Variants in SRPX observed in about 807,000 individuals in gnomAD.
The protein encoded by SRPX is sushi repeat containing protein X-linked.
In SRPX, 24 loss-of-function variants were observed where a neutral mutation model predicts 38.1. The observed-to-expected ratio is 0.63, with a 90% CI of 0.46 to 0.89. The LOEUF (loss-of-function observed/expected upper bound fraction) is 0.89. Among genes scored for constraint, SRPX ranks in the 40% least tolerant of loss-of-function variants. SRPX has a pLI of 0.00. For synonymous variants in SRPX, 184 were observed against 153.8 expected, an observed-to-expected ratio of 1.20 and a Z score of -1.45; for missense variants, 416 against 377.8, an observed-to-expected ratio of 1.10 and a Z score of -0.84.
intron 1 of SRPX, among the ~76,000 whole-genome samples, chrX:38,210,703 G>C (rs1939303870): frequency 8.9e-6 from 1 of 112,363 alleles, no homozygotes; most frequent in Non-Finnish European, 1.9e-5. Flanking sequence ...AAGATATCAG[G>C]AGGCTACCAA....
chrX:38,194,863 G>T (rs1247086541), intron 1 of SRPX, among the ~76,000 whole-genome samples: 55 of 53,645 alleles, frequency 1.0e-3, no homozygotes, highest in African/African-American at 4.0e-3. Context: ...TTTGTTTTTG[G>T]TTTTTTTTTT....
rs775255340 is a variant in SRPX, at chrX:38,161,469, T to C, written c.654-415A>G. On this transcript the variant is annotated intron_variant, in intron 5 of 9. Coordinates refer to ENST00000378533, the MANE Select transcript of SRPX (RefSeq NM_006307.5). Reference sequence around the variant, plus strand: ...TCATTAGAGAATATAGTCCAAGCAGTCACTGGCAATTTGGGCCTGCGGGGC... The same window carrying C: ...TCATTAGAGAATATAGTCCAAGCAGCCACTGGCAATTTGGGCCTGCGGGGC... Among the ~76,000 whole-genome samples, 6 of 101,146 alleles carry C rather than the reference T, an allele frequency of 5.9e-5. No individual in the cohort carries two copies. The South Asian group carries it at 2.1e-3, about 35-fold the overall frequency. 87.8% of individuals were successfully genotyped at this position (101,146 alleles called of 115,157 possible). A position where few individuals can be genotyped will look rare whatever the true frequency, so the allele number is the denominator to read the frequency against.
In SRPX at chrX:38,179,041, G is replaced by A. The variant is rs1375530264; in HGVS notation, c.98-697C>T. Among the ~76,000 whole-genome samples, 3 of 108,199 alleles carry A rather than the reference G, an allele frequency of 2.8e-5. No homozygotes were observed. The East Asian group carries it at 8.7e-4, about 31-fold the overall frequency. The allele number at this position is 108,199 out of a possible 115,157, so 94.0% of individuals were successfully genotyped here. ...GGCTCACCGCAACCTCCGCCTCTTG[G>A]GTTCAAGGGATTCTCCTGCCTCGGC... On this transcript the variant is annotated intron_variant, in intron 1 of 9. Coordinates refer to ENST00000378533, the MANE Select transcript of SRPX (RefSeq NM_006307.5).
intron 7 of SRPX, among the ~76,000 whole-genome samples, 174 bp from the exon 8 acceptor site, chrX:38,157,203 A>G (rs972380339): frequency 2.7e-5 from 3 of 111,850 alleles, no homozygotes; most frequent in African/African-American, 6.5e-5. Context: ...GGAGTACGGA[A>G]GTATATTCAC....
chrX:38,207,821 A>G (rs1285717727), intron 1 of SRPX, among the ~76,000 whole-genome samples: 2 of 112,458 alleles, frequency 1.8e-5, no homozygotes, highest in African/African-American at 6.5e-5. Flanking sequence ...AAACAAATCA[A>G]GAACCCATCC....
chrX:38,179,699 C>T (rs1938631891), intron 1 of SRPX, among the ~76,000 whole-genome samples: 1 of 111,744 alleles, frequency 8.9e-6, no homozygotes, highest in Admixed American at 9.5e-5. Flanking sequence ...GGAAAAGACC[C>T]GCAACTACAG....
chrX:38,197,572 G>C (rs2147116165), intron 1 of SRPX, among the ~76,000 whole-genome samples: 1 of 111,365 alleles, frequency 9.0e-6, no homozygotes, highest in South Asian at 3.8e-4. Flanking sequence ...TTATCACTTG[G>C]GGCCACACTT....
intron 1 of SRPX, among the ~76,000 whole-genome samples, chrX:38,219,520 A>G (rs1441734752): frequency 1.8e-5 from 2 of 111,753 alleles, no homozygotes; most frequent in Non-Finnish European, 3.8e-5. Context: ...AGTTCCTACA[A>G]AGCAGCTTAA....
chrX:38,210,647 C>T (rs1156837864), intron 1 of SRPX, among the ~76,000 whole-genome samples: 1 of 112,381 alleles, frequency 8.9e-6, no homozygotes, highest in East Asian at 2.8e-4. Context: ...GGATCCTAGC[C>T]AAGAATTGGC....
At chrX:38,179,163 C>T (rs766679514) in intron 1 of SRPX, among the ~76,000 whole-genome samples, 41 of 110,556 alleles carry the variant, frequency 3.7e-4, no homozygotes, top group South Asian at 3.5e-3. Context: ...TCAGGCTGGT[C>T]GCGAACTCCC....
chrX:38,181,601 G>A (rs1250379101), intron 1 of SRPX, among the ~76,000 whole-genome samples: 1 of 111,526 alleles, frequency 9.0e-6, no homozygotes, highest in Non-Finnish European at 1.9e-5. Flanking sequence ...GTGATAGGAG[G>A]AGTTTCTGGC....
intron 1 of SRPX, among the ~76,000 whole-genome samples, chrX:38,208,324 A>T (rs911008654): frequency 5.4e-5 from 6 of 111,630 alleles, no homozygotes; most frequent in Admixed American, 1.9e-4. Flanking sequence ...GGCCCCTCCC[A>T]GTGGCTACCC....
intron 1 of SRPX, among the ~76,000 whole-genome samples, chrX:38,220,173 G>C (rs1939490002): frequency 8.8e-6 from 1 of 113,483 alleles, no homozygotes; most frequent in Non-Finnish European, 1.9e-5. Flanking sequence ...CAGCAGGGGG[G>C]GTTAAGAGAT....
At chrX:38,194,869 T>C (rs1292820540) in intron 1 of SRPX, among the ~76,000 whole-genome samples, 1 of 84,915 alleles carries the variant, frequency 1.2e-5, no homozygotes, top group Non-Finnish European at 2.3e-5. Flanking sequence ...TTTGGTTTTT[T>C]TTTTTTTTTT....
intron 1 of SRPX, among the ~76,000 whole-genome samples, chrX:38,186,013 C>T (rs1343671492): frequency 1.8e-5 from 2 of 110,970 alleles, no homozygotes; most frequent in South Asian, 3.9e-4. Flanking sequence ...TGTCCCCTGG[C>T]ATTCATAACC....
intron 1 of SRPX, among the ~76,000 whole-genome samples, chrX:38,211,164 C>T (rs925206432): frequency 1.8e-5 from 2 of 112,170 alleles, no homozygotes; most frequent in African/African-American, 6.5e-5. Flanking sequence ...TCATTTGTCA[C>T]AAAACATTAT....
rs918131445 is a variant in SRPX, at chrX:38,164,875, T to G, written c.547A>C (p.Lys183Gln). 8.3e-7 allele frequency: 1 copy of G among 1,208,544 alleles called. No individual in the cohort carries two copies. The highest frequency in any genetic ancestry group is 1.8e-5 in the African/African-American group (1 of 57,015). ...SCVDMEPPRIKCPSVKERIAE... is the reference protein window; with the variant it reads ...SCVDMEPPRIQCPSVKERIAE... ...ATGCGTTCCTTCACACTTGGGCACT[T>G]GATTCTAGGAGGTTCCATATCTGAA... is the stretch of plus-strand genomic sequence containing the variant. Residue 183 changes from lysine to glutamine, a missense_variant, in exon 5 of 10, where the codon AAG becomes CAG. By Grantham distance (53) the Lys-to-Gln change is moderately conservative. Transcript: ENST00000378533.
rs188845300 is a variant in SRPX at position 38,191,105 on chromosome X, T to A, written c.98-12761A>T. Among the ~76,000 whole-genome samples the A allele has an allele frequency of 3.8e-3, 423 of 111,980 alleles. 4 individuals carry two copies. The highest frequency in any genetic ancestry group is 0.013 in the African/African-American group (414 of 30,846). ...GATCCCACAATATTTGAGCCCTTGG[T>A]TCCAGTATTGCTTGGCCCCACAAGC... On this transcript the variant is annotated intron_variant, in intron 1 of 9. Coordinates refer to ENST00000378533, the MANE Select transcript of SRPX (RefSeq NM_006307.5).
At chrX:38,218,195 G>A (rs759723109) in intron 1 of SRPX, among the ~76,000 whole-genome samples, 1 of 112,296 alleles carries the variant, frequency 8.9e-6, no homozygotes, top group East Asian at 2.8e-4. Flanking sequence ...CCAGATGTAA[G>A]ATTCACGAAG....
Sources: allele counts gnomAD v4.1 joint callset (sites outside exome capture counted in the v4.1 genomes callset), GRCh38; gene constraint gnomAD v4.1.1; transcripts MANE v1.5; gene names NCBI Gene and HGNC (gene_info 2026-07-23, HGNC 2026-07-21).